The following ITGA9 variants were observed in gnomAD, a reference collection of about 807,000 sequenced individuals.
ITGA9 encodes integrin subunit alpha 9, also known as integrin alpha-9.
ITGA9 carries 56 observed loss-of-function variants against 127.8 expected under a neutral mutation model. That is an observed-to-expected ratio of 0.44 (90% CI 0.35 to 0.55). The LOEUF (loss-of-function observed/expected upper bound fraction) is 0.55. ITGA9 is among the 20% of genes least tolerant of loss of function. ITGA9 has a pLI of 0.00. For synonymous variants in ITGA9, 508 were observed against 514.5 expected (o/e 0.99, Z 0.17); for missense variants, 1,196 against 1,347.1 (o/e 0.89, Z 1.76).
chr3:37,508,346 G>A (rs1698866308), intron 7 of ITGA9, among the ~76,000 whole-genome samples: 1 of 152,214 alleles, frequency 6.6e-6, no homozygotes, highest in Non-Finnish European at 1.5e-5. Context: ...TTCAGGAGCA[G>A]TGGAGGTGAT....
At chr3:37,582,783 T>G (rs1020201712) in intron 15 of ITGA9, among the ~76,000 whole-genome samples, 3 of 152,198 alleles carry the variant, frequency 2.0e-5, no homozygotes, top group African/African-American at 7.2e-5. Context: ...CCATTTCTAG[T>G]CAGGAATTAT....
chr3:37,553,077 A>G (rs1383339930), intron 15 of ITGA9, among the ~76,000 whole-genome samples: 1 of 152,100 alleles, frequency 6.6e-6, no homozygotes, highest in Non-Finnish European at 1.5e-5. Flanking sequence ...TCATTAGGAT[A>G]GCACAAAGAA....
intron 23 of ITGA9, among the ~76,000 whole-genome samples, chr3:37,767,891 C>T (rs1373202443): frequency 1.3e-5 from 2 of 152,160 alleles, no homozygotes; most frequent in Non-Finnish European, 2.9e-5. Flanking sequence ...GTGATGCACA[C>T]ACGAGTAGCA....
At position 37,494,579 on chromosome 3, in the gene ITGA9, G is replaced by GGGCATTT. The variant is rs1318205589; in HGVS notation, c.612+11_612+12insGGCATTT. The GGGCATTT allele has an allele frequency of 1.9e-6, 3 of 1,609,988 alleles. No homozygotes were observed. Among genetic ancestry groups the GGGCATTT allele is most frequent in the Non-Finnish European group, 2.6e-6 (3 of 1,176,374 alleles). ...GGCTTCTTCACCGAGGTGGGTGTCT[G>GGGCATTT]CTGTCTGGGCATTTCTGTTCTCTTG... On this transcript the variant is annotated intron_variant, in intron 5 of 27. Transcript: ENST00000264741.
chr3:37,533,452 C>T lies in ITGA9; in HGVS notation c.1512C>T (p.His504=), dbSNP rs139690264. ...VTTCFSFHGK[H]VPGEIGLNYV... Reference sequence around the variant, plus strand: ...CCTGCTTCAGCTTCCATGGCAAACACGTTCCAGGAGAGATTGGTAATGAGC... The same window carrying T: ...CCTGCTTCAGCTTCCATGGCAAACATGTTCCAGGAGAGATTGGTAATGAGC... The change falls in exon 14 of 28, where the codon CAC becomes CAT. Residue 504 remains histidine, a synonymous_variant. Transcript: ENST00000264741. 6.6e-5 allele frequency: 107 copies of T among 1,614,156 alleles called. No individual in the cohort carries two copies. Among genetic ancestry groups the T allele is most frequent in the Admixed American group, 2.7e-4 (16 of 60,030 alleles).
intron 18 of ITGA9, among the ~76,000 whole-genome samples, chr3:37,692,412 A>AGAGTGTGTGTGT (rs1553658497): frequency 5.5e-5 from 8 of 146,072 alleles, no homozygotes; most frequent in African/African-American, 2.0e-4. Flanking sequence ...AGAGAGAGAG[A>AGAGTGTGTGTGT]GTGTGTGTGT....
chr3:37,677,847 G>A (rs1011436095), intron 17 of ITGA9, among the ~76,000 whole-genome samples: 9 of 152,196 alleles, frequency 5.9e-5, no homozygotes, highest in African/African-American at 2.2e-4. Context: ...ACATTGCAGG[G>A]GCTATTTACA....
Position 37,748,435 on chromosome 3 carries a change from G to A in ITGA9, c.2434-2027G>A, listed in dbSNP as rs184481635. 1,812 of 589,296 alleles carry A rather than the reference G, an allele frequency of 3.1e-3. 9 individuals carry two copies. The highest frequency in any genetic ancestry group is 6.0e-3 in the Middle Eastern group (13 of 2,168). 36.5% of individuals were successfully genotyped at this position (589,296 alleles called of 1,614,324 possible). A position where few individuals can be genotyped will look rare whatever the true frequency, so the allele number is the denominator to read the frequency against. ...GAGCCAAGATAGCTTCCTGAAACAC[G>A]TGAAGGAAAATGATCAGAAAAAGAA... On this transcript the variant is annotated intron_variant, in intron 22 of 27. Coordinates refer to ENST00000264741, the MANE Select transcript of ITGA9 (RefSeq NM_002207.3).
intron 9 of ITGA9, among the ~76,000 whole-genome samples, chr3:37,517,174 G>A (rs1230870589): frequency 6.6e-6 from 1 of 152,218 alleles, no homozygotes; most frequent in Non-Finnish European, 1.5e-5. Context: ...GACGTGGAGA[G>A]CACATGGGGG....
chr3:37,812,245 A>G (rs1225998636), intron 27 of ITGA9, among the ~76,000 whole-genome samples: 4 of 152,250 alleles, frequency 2.6e-5, no homozygotes, highest in Admixed American at 2.6e-4. Context: ...ATCTCGAGAC[A>G]GAGACATGCT....
rs1270555190 is a variant in ITGA9, at chr3:37,822,407, A to C, written c.*3418A>C. On this transcript the variant is annotated 3_prime_UTR_variant, in exon 28 of 28. Transcript: ENST00000264741. The stretch of plus-strand genomic sequence containing the variant: ...GTGGGCCATAGAGCTGTCACAAAGA[A>C]GAGGCCATGATGTTTAGAAACAAGG... The C allele has an allele frequency of 1.3e-5, 2 of 152,284 alleles. No individual in the cohort carries two copies. The highest frequency in any genetic ancestry group is 2.9e-5 in the Non-Finnish European group (2 of 68,068). 9.4% of individuals were successfully genotyped at this position (152,284 alleles called of 1,614,324 possible).
chr3:37,728,900 TG>T (rs1207308310), intron 18 of ITGA9, among the ~76,000 whole-genome samples: 2 of 151,784 alleles, frequency 1.3e-5, no homozygotes, highest in East Asian at 3.9e-4. Flanking sequence ...AACAGGCATG[TG>T]GGCTCAGCTG....
chr3:37,764,042 C>A (rs1241689023), intron 23 of ITGA9, among the ~76,000 whole-genome samples: 1 of 152,178 alleles, frequency 6.6e-6, no homozygotes, highest in Non-Finnish European at 1.5e-5. Context: ...CCAGCAAGTT[C>A]TCTTTGTTAA....
chr3:37,541,541 C>CT (rs900605617), intron 14 of ITGA9, among the ~76,000 whole-genome samples: 105 of 152,170 alleles, frequency 6.9e-4, no homozygotes, highest in Admixed American at 8.5e-4. Flanking sequence ...CTGTGATCAT[C>CT]TTTTTTTTCC....
At chr3:37,471,252 C>G in intron 2 of ITGA9, 118 bp downstream of exon 2, 2 of 1,120,486 alleles carry the variant, frequency 1.8e-6, no homozygotes, top group South Asian at 1.2e-5. Context: ...CCTTCCCTCC[C>G]TCCTTCTCTC....
intron 26 of ITGA9, among the ~76,000 whole-genome samples, chr3:37,801,048 C>T (rs1275112922): frequency 6.6e-6 from 1 of 152,138 alleles, no homozygotes; most frequent in Non-Finnish European, 1.5e-5. Context: ...GCCTGTAATC[C>T]CAGCTTCTTG....
chr3:37,555,760 T>C (rs1209464778), intron 15 of ITGA9, among the ~76,000 whole-genome samples: 2 of 152,240 alleles, frequency 1.3e-5, no homozygotes, highest in African/African-American at 4.8e-5. Context: ...TCTAGTGTTT[T>C]GGAACAATCA....
intron 26 of ITGA9, chr3:37,790,206 C>A: frequency 1.8e-6 from 1 of 564,736 alleles, no homozygotes; most frequent in Non-Finnish European, 3.5e-6. Context: ...CAGCTTTTAC[C>A]TGCGCGGAAG....
intron 16 of ITGA9, 115 bp from the exon 17 acceptor site, chr3:37,653,599 G>A (rs540611014): frequency 1.2e-6 from 1 of 824,694 alleles, no homozygotes; most frequent in Non-Finnish European, 2.1e-6. Context: ...GGGAGTAGAA[G>A]CCCTGAGGGG....
Sources: allele counts gnomAD v4.1 joint callset (sites outside exome capture counted in the v4.1 genomes callset), GRCh38; gene constraint gnomAD v4.1.1; transcripts MANE v1.5; gene names NCBI Gene and HGNC (gene_info 2026-07-23, HGNC 2026-07-21).